CHCHD3: variants seen among roughly 807,000 people sequenced by gnomAD.
The protein encoded by CHCHD3 is coiled-coil-helix-coiled-coil-helix domain containing 3, also known as MICOS complex subunit MIC19.
Under a neutral mutation model 38.2 loss-of-function variants are expected in CHCHD3, and 20 were observed. That is an observed-to-expected ratio of 0.52 (90% CI 0.37 to 0.76). The LOEUF is 0.76. CHCHD3 is among the 30% of genes least tolerant of loss of function. CHCHD3 has a pLI of 0.00. For synonymous variants in CHCHD3, 82 were observed against 100.0 expected (o/e 0.82, Z 1.07); for missense variants, 245 against 279.2 (o/e 0.88, Z 0.87).
intron 6 of CHCHD3, among the ~76,000 whole-genome samples, chr7:132,831,588 T>C (rs1807652870): frequency 6.6e-6 from 1 of 152,140 alleles, no homozygotes; most frequent in Non-Finnish European, 1.5e-5. Flanking sequence ...TCAGAGAAAC[T>C]AGAAAGAGAA....
intron 3 of CHCHD3, among the ~76,000 whole-genome samples, chr7:133,004,868 G>C (rs541936397): frequency 6.6e-6 from 1 of 152,212 alleles, no homozygotes; most frequent in South Asian, 2.1e-4. Flanking sequence ...TTTAACATTT[G>C]TATCAAACCA....
intron 4 of CHCHD3, among the ~76,000 whole-genome samples, chr7:132,941,320 G>A (rs879813619): frequency 3.3e-5 from 5 of 152,054 alleles, no homozygotes; most frequent in Non-Finnish European, 7.4e-5. Context: ...TTACTGCCTA[G>A]GCCCCACATG....
At chr7:133,008,839 T>C (rs1812778631) in intron 3 of CHCHD3, among the ~76,000 whole-genome samples, 1 of 152,112 alleles carries the variant, frequency 6.6e-6, no homozygotes, top group South Asian at 2.1e-4. Flanking sequence ...TTGTTCTTCA[T>C]TTTTCTCTCA....
chr7:132,950,670 G>GT (rs1382410023), intron 4 of CHCHD3, among the ~76,000 whole-genome samples: 7 of 151,818 alleles, frequency 4.6e-5, no homozygotes, highest in African/African-American at 7.3e-5. Context: ...TTTAAAGAAG[G>GT]TTTTTTTTCA....
At chr7:132,820,931 A>T (rs1807358856) in intron 6 of CHCHD3, among the ~76,000 whole-genome samples, 1 of 152,206 alleles carries the variant, frequency 6.6e-6, no homozygotes, top group South Asian at 2.1e-4. Context: ...ATTTTGTCTG[A>T]GCATACCATT....
intron 4 of CHCHD3, among the ~76,000 whole-genome samples, chr7:132,922,739 A>C (rs1423123346): frequency 1.3e-5 from 2 of 152,174 alleles, no homozygotes; most frequent in Admixed American, 6.6e-5. Flanking sequence ...ATTCACTCTC[A>C]GGGTTTAGCC....
At chr7:133,034,714 C>T (rs761636510) in intron 2 of CHCHD3, 1 of 1,613,410 alleles carries the variant, frequency 6.2e-7, no homozygotes, top group African/African-American at 1.3e-5. Flanking sequence ...CTGCCAGGAT[C>T]CAGTTTCCGC....
chr7:132,896,745 T>A (rs925219006), intron 4 of CHCHD3, among the ~76,000 whole-genome samples: 1 of 152,158 alleles, frequency 6.6e-6, no homozygotes, highest in African/African-American at 2.4e-5. Flanking sequence ...TAAAAGACCA[T>A]GGTGAATCAA....
Position 133,035,894 on chromosome 7 carries a change from A to T in CHCHD3, c.170-11267T>A. 1 of 1,611,202 alleles carries T rather than the reference A, an allele frequency of 6.2e-7. No homozygotes were observed. The highest frequency in any genetic ancestry group is 8.5e-7 in the Non-Finnish European group (1 of 1,177,824). ...CCTTGAAGGCCCTCCAGTTTTCAGG[A>T]TACGTGTACAGGGTCCCAGCCGCCA... On this transcript the variant is annotated intron_variant, in intron 2 of 7. Transcript: ENST00000262570. The surrounding 1 kb of genome is among the most constrained non-coding windows in gnomAD (Gnocchi z 4.7).
intron 4 of CHCHD3, among the ~76,000 whole-genome samples, chr7:132,965,276 A>T (rs982977989): frequency 2.0e-5 from 3 of 152,164 alleles, no homozygotes; most frequent in Non-Finnish European, 4.4e-5. Flanking sequence ...TGCCCAAAAT[A>T]AGATCACCTC....
chr7:132,917,287 A>G (rs1462859005), intron 4 of CHCHD3, among the ~76,000 whole-genome samples: 1 of 144,896 alleles, frequency 6.9e-6, no homozygotes, highest in African/African-American at 2.5e-5. Flanking sequence ...CTGAAATTGA[A>G]TTCTTACAAA....
intron 2 of CHCHD3, among the ~76,000 whole-genome samples, chr7:133,032,877 T>TA (rs1230932609): frequency 6.6e-6 from 1 of 152,178 alleles, no homozygotes; most frequent in African/African-American, 2.4e-5. Context: ...ATTTTTTTGT[T>TA]TCAAAAATGA....
chr7:133,056,736 G>GA (rs1454059057), intron 2 of CHCHD3, among the ~76,000 whole-genome samples: 3 of 151,910 alleles, frequency 2.0e-5, no homozygotes, highest in Non-Finnish European at 2.9e-5. Flanking sequence ...TGTTAAAGAA[G>GA]AAAAAAAGAA....
intron 4 of CHCHD3, among the ~76,000 whole-genome samples, chr7:132,940,859 T>G (rs1810748614): frequency 6.6e-6 from 1 of 151,722 alleles, no homozygotes; most frequent in Non-Finnish European, 1.5e-5. Flanking sequence ...CATGCAGGAG[T>G]GGATGAGTTA....
At chr7:133,023,812 C>CTA (rs1323337840) in intron 3 of CHCHD3, among the ~76,000 whole-genome samples, 27 of 152,128 alleles carry the variant, frequency 1.8e-4, no homozygotes, top group Middle Eastern at 3.4e-3. Flanking sequence ...GCACACAGGG[C>CTA]TATAACTGAT....
At chr7:132,964,051 A>C (rs965807598) in intron 4 of CHCHD3, among the ~76,000 whole-genome samples, 5 of 152,202 alleles carry the variant, frequency 3.3e-5, no homozygotes, top group Non-Finnish European at 7.3e-5. Flanking sequence ...CAAACTGTAG[A>C]ATATCTTCCT....
intron 3 of CHCHD3, among the ~76,000 whole-genome samples, chr7:132,984,181 G>A (rs957549331): frequency 6.6e-6 from 1 of 151,632 alleles, no homozygotes; most frequent in Non-Finnish European, 1.5e-5. Flanking sequence ...TCCTGCCTCA[G>A]CCTGCCGAGT....
At chr7:133,011,122 T>C (rs180989194) in intron 3 of CHCHD3, among the ~76,000 whole-genome samples, 30 of 152,210 alleles carry the variant, frequency 2.0e-4, no homozygotes, top group African/African-American at 7.2e-4. Flanking sequence ...ACAAACAGGT[T>C]TGGCAGCCGA....
At chr7:133,041,665 T>C (rs1411933726) in intron 2 of CHCHD3, among the ~76,000 whole-genome samples, 1 of 152,244 alleles carries the variant, frequency 6.6e-6, no homozygotes, top group Non-Finnish European at 1.5e-5. Flanking sequence ...TTTTCTTTTA[T>C]TCAAAATTCA....
Sources: allele counts gnomAD v4.1 joint callset (sites outside exome capture counted in the v4.1 genomes callset), GRCh38; gene constraint gnomAD v4.1.1; non-coding constraint Gnocchi (gnomAD v3.1); transcripts MANE v1.5; gene names NCBI Gene and HGNC (gene_info 2026-07-23, HGNC 2026-07-21).